The following SLC24A3 variants were observed in gnomAD, a reference collection of about 807,000 sequenced individuals.
SLC24A3 encodes sodium/potassium/calcium exchanger 3.
Under a neutral mutation model 75.8 loss-of-function variants are expected in SLC24A3, and 28 were observed. The ratio of observed to expected loss-of-function variants is 0.37; its 90% CI spans 0.27 to 0.51. The LOEUF is 0.51. Ranked by LOEUF, SLC24A3 falls within the 20% of genes least tolerant of loss-of-function variation. The pLI is 0.94. For synonymous variants in SLC24A3, 372 were observed against 334.1 expected (o/e 1.11, Z -1.24); for missense variants, 663 against 847.8 (o/e 0.78, Z 2.71).
chr20:19,640,131 G>A (rs181256196), intron 6 of SLC24A3, among the ~76,000 whole-genome samples: 3 of 152,254 alleles, frequency 2.0e-5, no homozygotes, highest in African/African-American at 4.8e-5. Flanking sequence ...CAAAGTGGGA[G>A]CCCAGGCAGA....
At chr20:19,629,015 A>G (rs2031901534) in intron 6 of SLC24A3, among the ~76,000 whole-genome samples, 2 of 152,190 alleles carry the variant, frequency 1.3e-5, no homozygotes, top group African/African-American at 4.8e-5. Flanking sequence ...GGCCCAATAA[A>G]AGGAAAAAAT....
At chr20:19,651,752 T>C (rs370076123) in intron 6 of SLC24A3, among the ~76,000 whole-genome samples, 9 of 151,430 alleles carry the variant, frequency 5.9e-5, no homozygotes, top group Middle Eastern at 3.4e-3. Context: ...TCCCAACTAC[T>C]TGGGAGGCTG....
At chr20:19,299,139 A>T (rs78471761) in intron 2 of SLC24A3, among the ~76,000 whole-genome samples, 3,700 of 152,012 alleles carry the variant, frequency 0.024, 56 homozygotes, top group Non-Finnish European at 0.037. Flanking sequence ...TGGAAAGCTC[A>T]TCTTGACCCA....
intron 2 of SLC24A3, among the ~76,000 whole-genome samples, chr20:19,432,822 T>A (rs1987127600): frequency 6.6e-6 from 1 of 152,250 alleles, no homozygotes; most frequent in South Asian, 2.1e-4. Context: ...TTCATGTGAA[T>A]GCTTCAAGTT....
intron 6 of SLC24A3, among the ~76,000 whole-genome samples, chr20:19,603,322 T>G (rs2031553234): frequency 6.6e-6 from 1 of 151,932 alleles, no homozygotes; most frequent in African/African-American, 2.4e-5. Context: ...CAGCAGGGGG[T>G]GATGGCATAT....
intron 2 of SLC24A3, among the ~76,000 whole-genome samples, chr20:19,461,554 G>A (rs183390178): frequency 0.024 from 3,028 of 123,696 alleles, 118 homozygotes; most frequent in African/African-American, 0.092. Context: ...TTTTTTTGAG[G>A]TGGAGTCTTG....
chr20:19,597,268 T>A (rs1407995428), intron 6 of SLC24A3, among the ~76,000 whole-genome samples: 1 of 151,926 alleles, frequency 6.6e-6, no homozygotes, highest in Non-Finnish European at 1.5e-5. Context: ...ACACCTATAT[T>A]CCCCACTACT....
chr20:19,529,019 A>C (rs1373897074), intron 3 of SLC24A3, among the ~76,000 whole-genome samples: 1 of 152,194 alleles, frequency 6.6e-6, no homozygotes, highest in Non-Finnish European at 1.5e-5. Flanking sequence ...CTTAGATCTC[A>C]GTGTACACAT....
chr20:19,541,689 C>T (rs896910897), intron 3 of SLC24A3, among the ~76,000 whole-genome samples: 2 of 152,214 alleles, frequency 1.3e-5, no homozygotes, highest in Admixed American at 6.5e-5. Flanking sequence ...TCCTATTAAA[C>T]TATAAAAATC....
intron 2 of SLC24A3, among the ~76,000 whole-genome samples, chr20:19,397,825 G>C (rs372368476): frequency 6.6e-6 from 1 of 152,124 alleles, no homozygotes; most frequent in African/African-American, 2.4e-5. Flanking sequence ...TGTTGTGTGA[G>C]AGTCTGAAGG....
At chr20:19,704,840 C>G (rs2032911473) in intron 15 of SLC24A3, among the ~76,000 whole-genome samples, 1 of 152,172 alleles carries the variant, frequency 6.6e-6, no homozygotes, top group Non-Finnish European at 1.5e-5. Flanking sequence ...AGGGGTCACA[C>G]TGGGCCACCA....
In SLC24A3 at chr20:19,352,152, G is replaced by T. The variant is rs186525717; in HGVS notation, c.271+71065G>T. Among the ~76,000 whole-genome samples, 4 of 152,150 alleles carry T rather than the reference G, an allele frequency of 2.6e-5. No individual in the cohort carries two copies. In the East Asian group the frequency reaches 7.7e-4, roughly 29 times the overall value. ...GGAGGGGCGGGGAGGGGGTAGTTCT[G>T]TGGCTTAAATTACACCCAAAGTTGC... On this transcript the variant is annotated intron_variant, in intron 2 of 16. Transcript: ENST00000328041.
At chr20:19,316,171 G>A (rs915111570) in intron 2 of SLC24A3, among the ~76,000 whole-genome samples, 3 of 152,216 alleles carry the variant, frequency 2.0e-5, no homozygotes, top group African/African-American at 7.2e-5. Flanking sequence ...TCTACTGAAT[G>A]TGCATCACTT....
chr20:19,438,155 T>G lies in SLC24A3; in HGVS notation c.272-77333T>G, dbSNP rs201733064. On this transcript the variant is annotated intron_variant, in intron 2 of 16. Coordinates refer to ENST00000328041, the MANE Select transcript of SLC24A3 (RefSeq NM_020689.4). ...GTGAGAAAATGAAGTGAATCAAGTT[T>G]TGTGGGTCCTTGGTGTCTGGGCATC... Among the ~76,000 whole-genome samples the G allele has an allele frequency of 2.6e-5, 4 of 152,142 alleles. No individual in the cohort carries two copies. The East Asian group carries it at 7.7e-4, about 29-fold the overall frequency.
chr20:19,718,347 C>T (rs998493145), intron 16 of SLC24A3, among the ~76,000 whole-genome samples: 4 of 152,158 alleles, frequency 2.6e-5, no homozygotes, highest in Admixed American at 1.3e-4. Flanking sequence ...AAGTGCAAAT[C>T]GACATCATTC....
intron 2 of SLC24A3, among the ~76,000 whole-genome samples, chr20:19,461,529 C>CTTTTT (rs11468628): frequency 2.3e-4 from 23 of 101,412 alleles, no homozygotes; most frequent in Non-Finnish European, 2.7e-4. Flanking sequence ...TCTTTTTTTT[C>CTTTTT]TTTTTTTTTT....
intron 4 of SLC24A3, among the ~76,000 whole-genome samples, chr20:19,581,935 C>T (rs6112470): frequency 0.77 from 117,660 of 152,116 alleles, 46,169 homozygotes; most frequent in South Asian, 0.89. Flanking sequence ...TGGGCTCTCC[C>T]TGCTCCCACC....
intron 2 of SLC24A3, among the ~76,000 whole-genome samples, chr20:19,336,279 G>T (rs1472452628): frequency 6.6e-6 from 1 of 152,164 alleles, no homozygotes; most frequent in Non-Finnish European, 1.5e-5. Flanking sequence ...TGTTATCTGT[G>T]GCTGCTTTTG....
At chr20:19,588,260 G>A (rs933992891) in intron 6 of SLC24A3, among the ~76,000 whole-genome samples, 6 of 152,148 alleles carry the variant, frequency 3.9e-5, no homozygotes, top group Non-Finnish European at 7.3e-5. Context: ...GAATTGAAGC[G>A]ATTAATAAAT....
Sources: allele counts gnomAD v4.1 joint callset (sites outside exome capture counted in the v4.1 genomes callset), GRCh38; gene constraint gnomAD v4.1.1; transcripts MANE v1.5; gene names NCBI Gene and HGNC (gene_info 2026-07-23, HGNC 2026-07-21).